Variants in HS3ST4 observed in about 807,000 individuals in gnomAD.
HS3ST4 encodes heparan sulfate glucosamine 3-O-sulfotransferase 4.
In HS3ST4, 17 loss-of-function variants were observed where a neutral mutation model predicts 29.2. The ratio of observed to expected loss-of-function variants is 0.58; its 90% CI spans 0.40 to 0.87. The LOEUF (loss-of-function observed/expected upper bound fraction) is 0.87. Among genes scored for constraint, HS3ST4 ranks in the 40% least tolerant of loss-of-function variants. The pLI is 0.00. For missense variants in HS3ST4, 627 were observed against 634.5 expected, an observed-to-expected ratio of 0.99 and a Z score of 0.13; for synonymous variants, 314 against 285.7, an observed-to-expected ratio of 1.10 and a Z score of -1.00.
At position 25,921,828 on chromosome 16, in the gene HS3ST4, C is replaced by G. The variant is rs149982878; in HGVS notation, c.735-213784C>G. ...AGAATACAGTGTCTCAATCACAGCT[C>G]ACCTCAGCCTCAACCTCCTGGGCTC... On this transcript the variant is annotated intron_variant, in intron 1 of 1. Transcript: ENST00000331351. Among the ~76,000 whole-genome samples the G allele has an allele frequency of 6.4e-3, 965 of 151,474 alleles. 12 individuals are homozygous for G. Among genetic ancestry groups the G allele is most frequent in the African/African-American group, 0.022 (908 of 41,212 alleles).
chr16:25,694,456 T>G (rs1024887921), intron 1 of HS3ST4, among the ~76,000 whole-genome samples: 3 of 152,206 alleles, frequency 2.0e-5, no homozygotes, highest in Non-Finnish European at 4.4e-5. Context: ...AGCAAATGTG[T>G]CTGTTAACGT....
chr16:26,116,081 A>T (rs1899197866), intron 1 of HS3ST4, among the ~76,000 whole-genome samples: 2 of 152,206 alleles, frequency 1.3e-5, no homozygotes. Context: ...CAGGGCCAAC[A>T]TCTCATCTGA....
At chr16:25,964,628 A>G (rs1968825995) in intron 1 of HS3ST4, among the ~76,000 whole-genome samples, 1 of 152,206 alleles carries the variant, frequency 6.6e-6, no homozygotes, top group South Asian at 2.1e-4. Context: ...TTGATCCCAG[A>G]CAAGGCTGGC....
intron 1 of HS3ST4, among the ~76,000 whole-genome samples, chr16:25,703,273 G>A (rs1482444245): frequency 6.6e-6 from 1 of 152,182 alleles, no homozygotes; most frequent in African/African-American, 2.4e-5. Context: ...GGTTATTTTA[G>A]GACGGGAGGG....
rs146789231 is a variant in HS3ST4 at position 25,806,002 on chromosome 16, C to T, written c.734+112851C>T. Among the ~76,000 whole-genome samples the T allele has an allele frequency of 8.8e-3, 1,334 of 152,300 alleles. 14 individuals carry two copies. The highest frequency in any genetic ancestry group is 0.03 in the African/African-American group (1,242 of 41,552). On this transcript the variant is annotated intron_variant, in intron 1 of 1. Coordinates refer to ENST00000331351, the MANE Select transcript of HS3ST4 (RefSeq NM_006040.3). ...TTAGTTTGCTGAGGATAATGGCTTC[C>T]AGCTCCATCCATGTCCCTGCATAGG... is the stretch of plus-strand genomic sequence containing the variant.
At chr16:25,862,935 T>C (rs1485633536) in intron 1 of HS3ST4, among the ~76,000 whole-genome samples, 1 of 152,202 alleles carries the variant, frequency 6.6e-6, no homozygotes. Context: ...TTCTTGAATA[T>C]TTTTGATTTT....
At chr16:26,101,581 TAAC>T (rs997458206) in intron 1 of HS3ST4, among the ~76,000 whole-genome samples, 14 of 152,254 alleles carry the variant, frequency 9.2e-5, no homozygotes, top group African/African-American at 3.4e-4. Flanking sequence ...TTATGTGTAT[TAAC>T]AATCAGAATT....
intron 1 of HS3ST4, among the ~76,000 whole-genome samples, chr16:25,714,157 C>T (rs1393641618): frequency 1.3e-5 from 2 of 152,162 alleles, no homozygotes; most frequent in Admixed American, 1.3e-4. Context: ...AAAAAGCACC[C>T]TTTATTATGA....
chr16:25,971,755 C>G (rs1379510023), intron 1 of HS3ST4, among the ~76,000 whole-genome samples: 2 of 152,142 alleles, frequency 1.3e-5, no homozygotes, highest in African/African-American at 4.8e-5. Context: ...GAAACCCCGT[C>G]TCTACTAAAA....
chr16:26,050,332 A>AT (rs922826798), intron 1 of HS3ST4, among the ~76,000 whole-genome samples: 25 of 151,996 alleles, frequency 1.6e-4, no homozygotes, highest in Middle Eastern at 3.4e-3. Flanking sequence ...ATATGTATGT[A>AT]TTTTTTTACA....
chr16:26,129,664 C>A (rs9933443), intron 1 of HS3ST4, among the ~76,000 whole-genome samples: 1 of 152,124 alleles, frequency 6.6e-6, no homozygotes, highest in Non-Finnish European at 1.5e-5. Context: ...GAAATAGACC[C>A]ATATTACTTA....
chr16:25,712,042 C>A (rs1308004689), intron 1 of HS3ST4, among the ~76,000 whole-genome samples: 1 of 151,896 alleles, frequency 6.6e-6, no homozygotes, highest in African/African-American at 2.4e-5. Context: ...CTTTTTGTGT[C>A]AAAAATATAC....
chr16:25,897,488 G>C lies in HS3ST4; in HGVS notation c.734+204337G>C, dbSNP rs1968078898. On this transcript the variant is annotated intron_variant, in intron 1 of 1. Coordinates refer to ENST00000331351, the MANE Select transcript of HS3ST4 (RefSeq NM_006040.3). ...GATAATATAAAATTGGCCCAAAGGGGCACTTTGGACACAGACGGGCTGGCT... is the reference window on the plus strand; with the variant it reads ...GATAATATAAAATTGGCCCAAAGGGCCACTTTGGACACAGACGGGCTGGCT... 2.6e-5 allele frequency among the ~76,000 whole-genome samples: 4 copies of C among 152,294 alleles called. No individual in the cohort carries two copies. The South Asian group carries it at 8.3e-4, about 32-fold the overall frequency.
intron 1 of HS3ST4, among the ~76,000 whole-genome samples, chr16:26,123,008 C>G (rs1899295701): frequency 6.6e-6 from 1 of 151,038 alleles, no homozygotes; most frequent in South Asian, 2.1e-4. Context: ...GAGCTGAGAT[C>G]GCGCCACTGC....
At position 25,760,752 on chromosome 16, in the gene HS3ST4, C is replaced by T. The variant is rs144313869; in HGVS notation, c.734+67601C>T. On this transcript the variant is annotated intron_variant, in intron 1 of 1. Coordinates refer to ENST00000331351, the MANE Select transcript of HS3ST4 (RefSeq NM_006040.3). ...CCCATTTTAACCTTAATTACTTCTT[C>T]AAAGGTACTGTCTCTAAATATAGTC... Among the ~76,000 whole-genome samples the T allele has an allele frequency of 3.3e-3, 505 of 152,230 alleles. 2 individuals carry two copies. Among genetic ancestry groups the T allele is most frequent in the African/African-American group, 0.012 (482 of 41,546 alleles).
At chr16:25,951,591 C>G (rs1968683861) in intron 1 of HS3ST4, among the ~76,000 whole-genome samples, 1 of 152,192 alleles carries the variant, frequency 6.6e-6, no homozygotes, top group South Asian at 2.1e-4. Flanking sequence ...CTATCTGTAT[C>G]CCACTTTCTA....
At chr16:26,125,149 T>G (rs912935157) in intron 1 of HS3ST4, among the ~76,000 whole-genome samples, 1 of 152,354 alleles carries the variant, frequency 6.6e-6, no homozygotes, top group Non-Finnish European at 1.5e-5. Context: ...GCTCTTCTGA[T>G]AGTCTGCTCT....
intron 1 of HS3ST4, among the ~76,000 whole-genome samples, chr16:25,874,235 A>T (rs946683852): frequency 3.3e-5 from 5 of 152,184 alleles, no homozygotes; most frequent in African/African-American, 1.2e-4. Context: ...CAGAAAAAAA[A>T]AAGATGACAT....
chr16:25,808,166 AT>A (rs1357267843), intron 1 of HS3ST4, among the ~76,000 whole-genome samples: 2 of 152,128 alleles, frequency 1.3e-5, no homozygotes, highest in Non-Finnish European at 2.9e-5. Context: ...TATTTTATGG[AT>A]CATGCTTTTG....
Sources: gnomAD v4.1 joint callset for allele counts (sites outside exome capture counted in the v4.1 genomes callset) on GRCh38, gnomAD v4.1.1 for gene constraint, MANE v1.5 for transcripts, NCBI Gene and HGNC (gene_info 2026-07-23, HGNC 2026-07-21) for gene names.